The following PEX26 variants were observed in gnomAD, a reference collection of about 807,000 sequenced individuals.
PEX26 encodes peroxisome assembly protein 26.
Under a neutral mutation model 31.4 loss-of-function variants are expected in PEX26, and 18 were observed. That is an observed-to-expected ratio of 0.57 (90% confidence interval 0.40 to 0.85). The LOEUF (loss-of-function observed/expected upper bound fraction) is 0.85. Among genes scored for constraint, PEX26 ranks in the 40% least tolerant of loss-of-function variants. The pLI is 0.00. For missense variants in PEX26, 377 were observed against 383.9 expected (o/e 0.98, Z 0.15); for synonymous variants, 176 against 166.9 (o/e 1.05, Z -0.42).
At chr22:18,087,938 G>C (rs752600030) in intron 4 of PEX26, 34 bp from the exon 5 acceptor site, 20 of 1,315,574 alleles carry the variant, frequency 1.5e-5, no homozygotes, top group Non-Finnish European at 2.2e-5. Context: ...TGAGAGGGGT[G>C]GGACGTTCAC....
chr22:18,080,341 G>GT (rs1406087927), intron 2 of PEX26, among the ~76,000 whole-genome samples: 3 of 152,098 alleles, frequency 2.0e-5, no homozygotes, highest in Admixed American at 1.3e-4. Context: ...GTTTTGTTTT[G>GT]TTTTTTGAGA....
chr22:18,087,376 G>A (rs1160703364), intron 4 of PEX26, among the ~76,000 whole-genome samples: 3 of 152,082 alleles, frequency 2.0e-5, no homozygotes, highest in Non-Finnish European at 4.4e-5. Context: ...TGCCTGGCCA[G>A]CGAGGTTTCC....
chr22:18,086,945 C>T (rs1926864578), intron 4 of PEX26, among the ~76,000 whole-genome samples: 2 of 151,496 alleles, frequency 1.3e-5, no homozygotes, highest in African/African-American at 2.4e-5. Flanking sequence ...CTGGGTCTTT[C>T]TCTGTTGCCC....
In PEX26 at chr22:18,090,693, G is replaced by A. The variant is rs1479954997; in HGVS notation, c.*2618G>A. On this transcript the variant is annotated 3_prime_UTR_variant, in exon 5 of 5. Transcript: ENST00000399744. ...TTGTTTCTACAGGGTTCTGAAGCAT[G>A]CAACATAGAACAGATACCTTTAAAT... is the stretch of plus-strand genomic sequence containing the variant. 1 of 146,256 alleles carries A rather than the reference G, an allele frequency of 6.8e-6. No individual in the cohort carries two copies. The highest frequency in any genetic ancestry group is 1.5e-5 in the Non-Finnish European group (1 of 66,398). 9.1% of individuals were successfully genotyped at this position (146,256 alleles called of 1,614,324 possible). A position where few individuals can be genotyped will look rare whatever the true frequency, so the allele number is the denominator to read the frequency against.
At position 18,078,238 on chromosome 22, in the gene PEX26, G is replaced by T; in HGVS notation, c.-139G>T. ...AGGCCCCTTCCTTTTCCTTCTCGGG[G>T]AATCGACCTCGGGAAGGGGTGTGGG... On this transcript the variant is annotated 5_prime_UTR_variant, in exon 1 of 5. Transcript: ENST00000399744. 1 of 734,868 alleles carries T rather than the reference G, an allele frequency of 1.4e-6. No homozygotes were observed. The highest frequency in any genetic ancestry group is 1.5e-5 in the South Asian group (1 of 67,424). The allele number at this position is 734,868 out of a possible 1,614,324, so 45.5% of individuals were successfully genotyped here.
At chr22:18,087,950 G>T in intron 4 of PEX26, 22 bp from the exon 5 acceptor site, 1 of 1,506,974 alleles carries the variant, frequency 6.6e-7, no homozygotes. Flanking sequence ...GACGTTCACT[G>T]TAGTCTCCCT....
At chr22:18,087,513 C>T (rs928864697) in intron 4 of PEX26, among the ~76,000 whole-genome samples, 2 of 152,362 alleles carry the variant, frequency 1.3e-5, no homozygotes, top group African/African-American at 2.4e-5. Context: ...GTATCATCAG[C>T]GTTCATCCCT....
At chr22:18,085,825 T>C (rs1926820313) in intron 4 of PEX26, among the ~76,000 whole-genome samples, 1 of 151,926 alleles carries the variant, frequency 6.6e-6, no homozygotes. Context: ...TGAGCCAAGA[T>C]CGCACTGCTG....
chr22:18,084,464 C>G (rs1418252207), intron 3 of PEX26, among the ~76,000 whole-genome samples: 1 of 151,956 alleles, frequency 6.6e-6, no homozygotes, highest in Non-Finnish European at 1.5e-5. Context: ...AGGATGGTCT[C>G]AATCTCCTGA....
intron 3 of PEX26, among the ~76,000 whole-genome samples, chr22:18,084,879 C>T (rs1455694976): frequency 2.6e-5 from 4 of 152,076 alleles, no homozygotes; most frequent in South Asian, 2.1e-4. Flanking sequence ...CACACCACCA[C>T]GCCTGGCTAA....
intron 4 of PEX26, among the ~76,000 whole-genome samples, chr22:18,086,222 C>A (rs559722378): frequency 3.9e-5 from 6 of 152,212 alleles, no homozygotes; most frequent in Admixed American, 3.9e-4. Flanking sequence ...TTGCTTGAAC[C>A]CAGGAGGCGG....
rs1926486603 is a variant in PEX26 at position 18,079,977 on chromosome 22, G to C, written c.334G>C (p.Val112Leu). ...CTCCTGGGTCCTTCAGTATTACCAG[G>C]TCCCTGAAAAGCTACCCCCCAAAGT... ...VLSWVLQYYQ[V>L]PEKLPPKVLE... Residue 112 changes from valine to leucine, a missense_variant, in exon 2 of 5, where the codon GTC becomes CTC. Coordinates refer to ENST00000399744, the MANE Select transcript of PEX26 (RefSeq NM_001127649.3). 6.2e-7 allele frequency: 1 copy of C among 1,614,128 alleles called. No individual in the cohort carries two copies. Among genetic ancestry groups the C allele is most frequent in the Non-Finnish European group, 8.5e-7 (1 of 1,180,008 alleles).
In PEX26 at chr22:18,085,156, C is replaced by T; in HGVS notation, c.712C>T (p.Gln238Ter). The change falls in exon 4 of 5, where the codon CAG becomes TAG. Residue 238 changes from glutamine (Q) to a stop codon, truncating the protein, a stop_gained. Coordinates refer to ENST00000399744, the MANE Select transcript of PEX26 (RefSeq NM_001127649.3). LOFTEE classifies it high-confidence loss of function. The stretch of plus-strand genomic sequence containing the variant: ...CCTGTCACTACCGATGTTGGTTCGC[C>T]AGCTTTGGGACTCTGCGGTGAGCCA... ...KFLSLPMLVR[Q>*]LWDSAVSHFF... 3 of 1,614,136 alleles carry T rather than the reference C, an allele frequency of 1.9e-6. No homozygotes were observed. The highest frequency in any genetic ancestry group is 2.5e-6 in the Non-Finnish European group (3 of 1,180,018).
chr22:18,083,555 G>A lies in PEX26; in HGVS notation c.490G>A (p.Val164Met), dbSNP rs1161672696. ...PEYGALAEFH[V>M]QRVLLPLGCL... Reference sequence around the variant, plus strand: ...ATATGGAGCCTTGGCAGAATTTCACGTGCAGCGGGTGCTGCTGCCTCTGGG... The same window carrying A: ...ATATGGAGCCTTGGCAGAATTTCACATGCAGCGGGTGCTGCTGCCTCTGGG... Residue 164 changes from valine to methionine, a missense_variant, in exon 3 of 5, where the codon GTG becomes ATG. By Grantham distance (21) the Val-to-Met change is conservative. Coordinates refer to ENST00000399744, the MANE Select transcript of PEX26 (RefSeq NM_001127649.3). 8.1e-6 allele frequency: 13 copies of A among 1,613,932 alleles called. No homozygotes were observed. The highest frequency in any genetic ancestry group is 2.2e-5 in the East Asian group (1 of 44,898).
In PEX26 at chr22:18,085,277, C is replaced by T; in HGVS notation, c.814+19C>T. The stretch of plus-strand genomic sequence containing the variant: ...GATCCAGGTAAGAGGTGGAGACTCT[C>T]CCCTGTCCTTCCTGGGAAGGGGTTG... On this transcript the variant is annotated intron_variant, in intron 4 of 4. Transcript: ENST00000399744. 6.2e-7 allele frequency: 1 copy of T among 1,613,598 alleles called. No individual in the cohort carries two copies. Among genetic ancestry groups the T allele is most frequent in the Non-Finnish European group, 8.5e-7 (1 of 1,179,640 alleles).
In PEX26 at chr22:18,081,151, TTATA is replaced by T. The variant is rs60289884; in HGVS notation, c.371+1159_371+1162del. Among the ~76,000 whole-genome samples the T allele has an allele frequency of 5.3e-3, 748 of 141,354 alleles. 6 individuals are homozygous for T. The highest frequency in any genetic ancestry group is 0.017 in the African/African-American group (686 of 39,250). 92.7% of individuals were successfully genotyped at this position (141,354 alleles called of 152,430 possible). A position where few individuals can be genotyped will look rare whatever the true frequency, so the allele number is the denominator to read the frequency against. On this transcript the variant is annotated intron_variant, in intron 2 of 4. Coordinates refer to ENST00000399744, the MANE Select transcript of PEX26 (RefSeq NM_001127649.3). ...TTTTTTATGGCTATATAGTATTCCATTATATATATATATATATATATATATGCGT... is the reference window on the plus strand; with the variant it reads ...TTTTTTATGGCTATATAGTATTCCATTATATATATATATATATATATGCGT...
rs60289884 is a variant in PEX26 at position 18,081,151 on chromosome 22, TTATATATATATA to T, written c.371+1151_371+1162del. ...TTTTTTATGGCTATATAGTATTCCA[TTATATATATATA>T]TATATATATATATGCGTGTGTGTAT... is the stretch of plus-strand genomic sequence containing the variant. On this transcript the variant is annotated intron_variant, in intron 2 of 4. Coordinates refer to ENST00000399744, the MANE Select transcript of PEX26 (RefSeq NM_001127649.3). Among the ~76,000 whole-genome samples the T allele has an allele frequency of 2.8e-3, 400 of 141,106 alleles. 2 individuals are homozygous for T. Among genetic ancestry groups the T allele is most frequent in the African/African-American group, 8.3e-3 (324 of 39,256 alleles). The allele number at this position is 141,106 out of a possible 152,430, so 92.6% of individuals were successfully genotyped here. A position where few individuals can be genotyped will look rare whatever the true frequency, so the allele number is the denominator to read the frequency against.
intron 1 of PEX26, chr22:18,079,192 G>T: frequency 1.0e-6 from 1 of 985,002 alleles, no homozygotes; most frequent in South Asian, 4.7e-5. Flanking sequence ...AAAAAGAAAA[G>T]AATCCGGAGA....
chr22:18,102,447 G>C lies in PEX26; in HGVS notation c.*14372G>C, dbSNP rs1461644712. On this transcript the variant is annotated 3_prime_UTR_variant, in exon 5 of 5. Transcript: ENST00000399744. ...CCAGGATGATCCTCTTCCTTGCCTG[G>C]AGGTGGGATCTAGTGCCACAGCTTG... The C allele has an allele frequency of 6.5e-6, 1 of 154,744 alleles. No homozygotes were observed. 9.6% of individuals were successfully genotyped at this position (154,744 alleles called of 1,614,324 possible). A position where few individuals can be genotyped will look rare whatever the true frequency, so the allele number is the denominator to read the frequency against.
Sources: allele counts gnomAD v4.1 joint callset (sites outside exome capture counted in the v4.1 genomes callset), GRCh38; gene constraint gnomAD v4.1.1; transcripts MANE v1.5; gene names NCBI Gene and HGNC (gene_info 2026-07-23, HGNC 2026-07-21).